Variants in MTUS2 observed in about 807,000 individuals in gnomAD.
MTUS2 encodes microtubule-associated tumor suppressor candidate 2.
Under a neutral mutation model 114.1 loss-of-function variants are expected in MTUS2, and 40 were observed. The ratio of observed to expected loss-of-function variants is 0.35; its 90% CI spans 0.27 to 0.46. The LOEUF (loss-of-function observed/expected upper bound fraction) is 0.46, where lower values mean the gene tolerates loss of function less well. Among genes scored for constraint, MTUS2 ranks in the 20% least tolerant of loss-of-function variants. The pLI is 1.00. For synonymous variants in MTUS2, 688 were observed against 672.0 expected (o/e 1.02, Z -0.37); for missense variants, 1,679 against 1,705.4 (o/e 0.98, Z 0.27).
chr13:29,189,225 G>A (rs534333626), intron 5 of MTUS2, among the ~76,000 whole-genome samples: 1 of 152,320 alleles, frequency 6.6e-6, no homozygotes, highest in Non-Finnish European at 1.5e-5. Context: ...GAATATTCAG[G>A]ACTTTCACAA....
chr13:29,088,238 A>C (rs1245323737), intron 4 of MTUS2, among the ~76,000 whole-genome samples: 1 of 152,140 alleles, frequency 6.6e-6, no homozygotes, highest in African/African-American at 2.4e-5. Context: ...TTTTTACCCA[A>C]GTCATTCAAG....
chr13:28,952,743 A>G lies in MTUS2; in HGVS notation c.-242-71714A>G, dbSNP rs978678388. On this transcript the variant is annotated intron_variant, in intron 2 of 15. Transcript: ENST00000612955. Reference sequence around the variant, plus strand: ...GTTTTTTCATTAAACAAAACTTCGTAGAAGCATCTCCAACTCAACTGGCCA... The same window carrying G: ...GTTTTTTCATTAAACAAAACTTCGTGGAAGCATCTCCAACTCAACTGGCCA... Among the ~76,000 whole-genome samples the G allele has an allele frequency of 2.6e-5, 4 of 152,374 alleles. No homozygotes were observed. In the South Asian group the frequency reaches 6.2e-4, roughly 24 times the overall value.
rs1025659842 is a variant in MTUS2, at chr13:29,504,796, G to A, written c.*1590G>A. 3 of 232,980 alleles carry A rather than the reference G, an allele frequency of 1.3e-5. No homozygotes were observed. Among genetic ancestry groups the A allele is most frequent in the African/African-American group, 6.6e-5 (3 of 45,324 alleles). 14.4% of individuals were successfully genotyped at this position (232,980 alleles called of 1,614,324 possible). ...CCCCCCAAAATTGTCCTGAGCACAGGCCTGTCTTTGAGCGTGCCCAAGGCG... is the reference window on the plus strand; with the variant it reads ...CCCCCCAAAATTGTCCTGAGCACAGACCTGTCTTTGAGCGTGCCCAAGGCG... On this transcript the variant is annotated 3_prime_UTR_variant, in exon 16 of 16. Transcript: ENST00000612955.
chr13:28,829,718 A>C (rs1361493562), intron 1 of MTUS2, among the ~76,000 whole-genome samples: 1 of 152,266 alleles, frequency 6.6e-6, no homozygotes, highest in Admixed American at 6.5e-5. Flanking sequence ...AACAATCAGC[A>C]GTAATTGTTT....
intron 2 of MTUS2, among the ~76,000 whole-genome samples, chr13:28,949,404 T>A (rs935066951): frequency 2.0e-5 from 3 of 152,260 alleles, no homozygotes; most frequent in Admixed American, 2.0e-4. Flanking sequence ...TTACTTCGCC[T>A]ATCTTGCTAT....
At chr13:29,458,773 C>T (rs1046591855) in intron 9 of MTUS2, among the ~76,000 whole-genome samples, 1 of 152,254 alleles carries the variant, frequency 6.6e-6, no homozygotes, top group Admixed American at 6.5e-5. Context: ...CTCTGCTTCT[C>T]CTCCTATATG....
At chr13:28,860,576 C>G (rs777442373) in intron 2 of MTUS2, among the ~76,000 whole-genome samples, 1 of 152,140 alleles carries the variant, frequency 6.6e-6, no homozygotes, top group Non-Finnish European at 1.5e-5. Flanking sequence ...AGCAAAACAT[C>G]GCCACATGCT....
chr13:29,351,703 A>C (rs1460689516), intron 7 of MTUS2, among the ~76,000 whole-genome samples: 1 of 151,768 alleles, frequency 6.6e-6, no homozygotes, highest in African/African-American at 2.4e-5. Context: ...CCAAGGCTCG[A>C]GCAATCATCC....
At chr13:29,253,854 G>T (rs1310649047) in intron 5 of MTUS2, among the ~76,000 whole-genome samples, 1 of 152,226 alleles carries the variant, frequency 6.6e-6, no homozygotes, top group Non-Finnish European at 1.5e-5. Flanking sequence ...GCTTGTGCAG[G>T]GGAGCTCCTC....
chr13:29,274,925 G>A (rs1278789054), intron 5 of MTUS2, among the ~76,000 whole-genome samples: 1 of 152,022 alleles, frequency 6.6e-6, no homozygotes, highest in Non-Finnish European at 1.5e-5. Flanking sequence ...TGTAGAGACA[G>A]GGTCTCACTA....
At chr13:29,144,561 T>C (rs532510854) in intron 5 of MTUS2, among the ~76,000 whole-genome samples, 3 of 152,112 alleles carry the variant, frequency 2.0e-5, no homozygotes, top group Non-Finnish European at 4.4e-5. Context: ...ATTTGAGTTG[T>C]TGGCAGAAGT....
chr13:29,346,998 CAT>C (rs1323828417), intron 7 of MTUS2, among the ~76,000 whole-genome samples: 18 of 151,650 alleles, frequency 1.2e-4, no homozygotes, highest in African/African-American at 4.3e-4. Flanking sequence ...TTTAGACACT[CAT>C]AGTTTGTCAG....
Position 29,480,614 on chromosome 13 carries a change from C to G in MTUS2, c.3399+250C>G, listed in dbSNP as rs1881094062. On this transcript the variant is annotated intron_variant, in intron 10 of 15. Transcript: ENST00000612955. This position sits in a 1 kb window ranked among gnomAD's most constrained non-coding sequence, Gnocchi z 4.4. ...TGGAATGCTCTCCCTCTAGACAGTG[C>G]ATGGCTGCCTCTTGCCCTCCCTTCC... is the stretch of plus-strand genomic sequence containing the variant. 6.6e-6 allele frequency among the ~76,000 whole-genome samples: 1 copy of G among 152,186 alleles called. No homozygotes were observed. The highest frequency in any genetic ancestry group is 1.5e-5 in the Non-Finnish European group (1 of 68,032).
At chr13:29,098,086 C>T (rs779579355) in intron 4 of MTUS2, among the ~76,000 whole-genome samples, 20 of 152,104 alleles carry the variant, frequency 1.3e-4, no homozygotes, top group Non-Finnish European at 2.5e-4. Flanking sequence ...GAATCACTGA[C>T]GTGATTGTTT....
At chr13:29,139,064 A>G (rs1297106597) in intron 5 of MTUS2, among the ~76,000 whole-genome samples, 3 of 149,528 alleles carry the variant, frequency 2.0e-5, no homozygotes, top group South Asian at 2.1e-4. Flanking sequence ...CTTTACTAAC[A>G]TGCATTGAGT....
chr13:29,219,441 A>G (rs1593182228), intron 5 of MTUS2, among the ~76,000 whole-genome samples: 1 of 151,752 alleles, frequency 6.6e-6, no homozygotes, highest in East Asian at 1.9e-4. Context: ...ATACGTGTGC[A>G]TGTGTGTTTA....
intron 6 of MTUS2, among the ~76,000 whole-genome samples, chr13:29,286,672 G>GTCTGTCTGTCTATCTATCTA (rs577593135): frequency 9.0e-6 from 1 of 110,922 alleles, no homozygotes; most frequent in African/African-American, 3.2e-5. Context: ...CTGTCTGTCT[G>GTCTGTCTGTCTATCTATCTA]TCTATCTATC....
chr13:29,100,674 T>C, intron 4 of MTUS2, 99 bp from the exon 5 acceptor site: 1 of 1,335,058 alleles, frequency 7.5e-7, no homozygotes. Context: ...AATTTTAGTC[T>C]GTTTATGATA....
In MTUS2 at chr13:29,492,634, T is replaced by G. The variant is rs201809513; in HGVS notation, c.3506-12T>G. Reference sequence around the variant, plus strand: ...GAAAGACCAACTTGACAATTTAATGTCTTCTTTCCAGAATTGATGTCCACT... The same window carrying G: ...GAAAGACCAACTTGACAATTTAATGGCTTCTTTCCAGAATTGATGTCCACT... On this transcript the variant is annotated splice_polypyrimidine_tract_variant and intron_variant, in intron 11 of 15. Coordinates refer to ENST00000612955, the MANE Select transcript of MTUS2 (RefSeq NM_001033602.4). The G allele has an allele frequency of 5.0e-6, 8 of 1,608,374 alleles. No homozygotes were observed. The South Asian group carries it at 8.8e-5, about 18-fold the overall frequency.
Sources: gnomAD v4.1 joint callset for allele counts (sites outside exome capture counted in the v4.1 genomes callset) on GRCh38, gnomAD v4.1.1 for gene constraint, Gnocchi (gnomAD v3.1) non-coding constraint, MANE v1.5 for transcripts, NCBI Gene and HGNC (gene_info 2026-07-23, HGNC 2026-07-21) for gene names.